Variants in EDDM13 observed in about 807,000 individuals in gnomAD.
EDDM13 encodes epididymal protein 13.
Under a neutral mutation model 17.8 loss-of-function variants are expected in EDDM13, and 24 were observed. The ratio of observed to expected loss-of-function variants is 1.35; its 90% CI spans 0.98 to 1.90. The LOEUF (loss-of-function observed/expected upper bound fraction) is 1.90. Among genes scored for constraint, EDDM13 ranks in the 40% most tolerant of loss-of-function variants. EDDM13 has a pLI of 0.00. For synonymous variants in EDDM13, 31 were observed against 37.5 expected, an observed-to-expected ratio of 0.83 and a Z score of 0.63; for missense variants, 97 against 100.8, an observed-to-expected ratio of 0.96 and a Z score of 0.16.
At chr19:56,302,603 CTTCCTCTCCCTCTT>C (rs2040398981) in intron 13 of EDDM13, among the ~76,000 whole-genome samples, 1 of 98,248 alleles carries the variant, frequency 1.0e-5, no homozygotes, top group Non-Finnish European at 2.1e-5. Flanking sequence ...TCTCCCTCTT[CTTCCTCTCCCTCTT>C]CCTCCCTCCC....
intron 6 of EDDM13, among the ~76,000 whole-genome samples, 99 bp from the exon 7 acceptor site, chr19:56,288,286 C>T (rs1242351745): frequency 6.6e-6 from 1 of 152,196 alleles, no homozygotes; most frequent in African/African-American, 2.4e-5. Flanking sequence ...AGGCTCCATC[C>T]AGCCCAGGAA....
chr19:56,302,655 C>T (rs1451933905), intron 13 of EDDM13, among the ~76,000 whole-genome samples: 2 of 131,250 alleles, frequency 1.5e-5, no homozygotes, highest in Non-Finnish European at 3.2e-5. Flanking sequence ...TCTTCCCCCC[C>T]TCCCTGTTCT....
At chr19:56,296,771 T>C (rs1191124138) in intron 11 of EDDM13, among the ~76,000 whole-genome samples, 1 of 151,988 alleles carries the variant, frequency 6.6e-6, no homozygotes, top group East Asian at 1.9e-4. Flanking sequence ...TGGTGGCTCA[T>C]GCCTGTAATC....
At chr19:56,275,578 A>C (rs1270518352) in intron 1 of EDDM13, among the ~76,000 whole-genome samples, 1 of 152,232 alleles carries the variant, frequency 6.6e-6, no homozygotes, top group Non-Finnish European at 1.5e-5. Context: ...AAAAATAGTA[A>C]GAATAAATAA....
Position 56,297,547 on chromosome 19 carries a change from C to G in EDDM13, c.295+16C>G. The G allele has an allele frequency of 1.0e-6, 1 of 983,516 alleles. No homozygotes were observed. The highest frequency in any genetic ancestry group is 1.2e-6 in the Non-Finnish European group (1 of 828,288). 60.9% of individuals were successfully genotyped at this position (983,516 alleles called of 1,614,324 possible). A position where few individuals can be genotyped will look rare whatever the true frequency, so the allele number is the denominator to read the frequency against. ...AAGGAGGAAGGTAAGTGCTTGGGGTCGTACCATTCCTCATCTATAAGACAG... is the reference window on the plus strand; with the variant it reads ...AAGGAGGAAGGTAAGTGCTTGGGGTGGTACCATTCCTCATCTATAAGACAG... On this transcript the variant is annotated intron_variant, in intron 12 of 14. Transcript: ENST00000649256.
At chr19:56,277,922 A>G (rs2147026314) in intron 2 of EDDM13, among the ~76,000 whole-genome samples, 1 of 152,342 alleles carries the variant, frequency 6.6e-6, no homozygotes, top group East Asian at 1.9e-4. Context: ...TATTTGAAAA[A>G]TAAGGATAAT....
At chr19:56,297,061 C>A (rs2039921389) in intron 11 of EDDM13, among the ~76,000 whole-genome samples, 1 of 139,672 alleles carries the variant, frequency 7.2e-6, no homozygotes, top group African/African-American at 2.6e-5. Flanking sequence ...AAGAGCAAAA[C>A]TCTGTCTCAA....
intron 14 of EDDM13, among the ~76,000 whole-genome samples, chr19:56,306,384 C>T (rs2040692489): frequency 1.9e-5 from 2 of 105,760 alleles, no homozygotes; most frequent in East Asian, 3.0e-4. Context: ...TCTCCCACGT[C>T]GCCAGAGAAA....
intron 9 of EDDM13, among the ~76,000 whole-genome samples, chr19:56,294,618 A>C (rs992408323): frequency 6.6e-6 from 1 of 152,190 alleles, no homozygotes; most frequent in South Asian, 2.1e-4. Flanking sequence ...GACAACACAC[A>C]GTGAATGGGC....
At chr19:56,309,771 G>A (rs1011697399) in intron 14 of EDDM13, among the ~76,000 whole-genome samples, 1 of 152,250 alleles carries the variant, frequency 6.6e-6, no homozygotes, top group Non-Finnish European at 1.5e-5. Context: ...CACAAGCTCA[G>A]GCCCGGCGCC....
intron 12 of EDDM13, 159 bp downstream of exon 12, chr19:56,297,690 G>A: frequency 5.6e-6 from 1 of 179,014 alleles, no homozygotes; most frequent in Non-Finnish European, 1.1e-5. Flanking sequence ...TCCAAAGTCT[G>A]CAAGCCACTG....
At chr19:56,294,473 G>A (rs1369204222) in intron 9 of EDDM13, among the ~76,000 whole-genome samples, 4 of 152,174 alleles carry the variant, frequency 2.6e-5, no homozygotes, top group Non-Finnish European at 5.9e-5. Flanking sequence ...GTGACATAAG[G>A]CAGGGATCAA....
intron 1 of EDDM13, among the ~76,000 whole-genome samples, chr19:56,273,124 C>A (rs2037974421): frequency 6.6e-6 from 1 of 152,186 alleles, no homozygotes; most frequent in Non-Finnish European, 1.5e-5. Context: ...ACACTTGTGT[C>A]TGCATCCTGG....
chr19:56,297,175 G>A (rs180696022), intron 11 of EDDM13, among the ~76,000 whole-genome samples: 27 of 152,210 alleles, frequency 1.8e-4, no homozygotes, highest in African/African-American at 6.3e-4. Context: ...AGGCATTCCA[G>A]GAAGAGAGAA....
intron 13 of EDDM13, chr19:56,302,897 C>G (rs1455879681): frequency 2.5e-6 from 1 of 398,526 alleles, no homozygotes; most frequent in Non-Finnish European, 4.4e-6. Flanking sequence ...GATGGTTGAG[C>G]TACCTTCAAG....
At chr19:56,282,620 T>C (rs528152094) in intron 4 of EDDM13, 121 bp downstream of exon 4, 7 of 456,262 alleles carry the variant, frequency 1.5e-5, no homozygotes, top group Non-Finnish European at 2.0e-5. Context: ...TAGCTTCTAA[T>C]AGCGGAACTA....
intron 2 of EDDM13, among the ~76,000 whole-genome samples, chr19:56,278,855 C>T (rs981322432): frequency 3.9e-5 from 6 of 152,148 alleles, no homozygotes; most frequent in Non-Finnish European, 7.4e-5. Context: ...AAGGGCATCC[C>T]AGCTGCAGAA....
intron 14 of EDDM13, among the ~76,000 whole-genome samples, chr19:56,308,656 T>C (rs1009302385): frequency 2.8e-5 from 4 of 141,010 alleles, no homozygotes; most frequent in African/African-American, 1.0e-4. Context: ...CCCCAAAACA[T>C]CACATTTTTT....
At position 56,304,792 on chromosome 19, in the gene EDDM13, G is replaced by A. The variant is rs2040576185; in HGVS notation, c.424-1G>A. On this transcript the variant is annotated splice_acceptor_variant, in intron 13 of 14. Coordinates refer to ENST00000649256, the MANE Select transcript of EDDM13 (RefSeq NM_001354658.2). LOFTEE classifies it high-confidence loss of function. ...TTCCCAGTTCACTTTTTCCTCCCAAGTGTTACTGCCACTACTGTAACTTGG... is the reference window on the plus strand; with the variant it reads ...TTCCCAGTTCACTTTTTCCTCCCAAATGTTACTGCCACTACTGTAACTTGG... The A allele has an allele frequency of 1.0e-6, 1 of 985,286 alleles. No individual in the cohort carries two copies. Among genetic ancestry groups the A allele is most frequent in the Non-Finnish European group, 1.2e-6 (1 of 829,932 alleles). 61.0% of individuals were successfully genotyped at this position (985,286 alleles called of 1,614,324 possible).
Sources: allele counts gnomAD v4.1 joint callset (sites outside exome capture counted in the v4.1 genomes callset), GRCh38; gene constraint gnomAD v4.1.1; transcripts MANE v1.5; gene names NCBI Gene and HGNC (gene_info 2026-07-23, HGNC 2026-07-21).